The following KCNG2 variants were observed in gnomAD, a reference collection of about 807,000 sequenced individuals.
KCNG2 encodes potassium voltage-gated channel modifier subfamily G member 2.
In KCNG2, 7 loss-of-function variants were observed where a neutral mutation model predicts 12.3. The observed-to-expected ratio is 0.57, with a 90% CI of 0.32 to 1.07. The LOEUF is 1.07. Ranked by LOEUF, KCNG2 falls within the 50% of genes least tolerant of loss-of-function variation. The probability of loss-of-function intolerance (pLI) is 0.04; values close to 1 mark genes in which losing one functional copy is unlikely to be tolerated. For missense variants in KCNG2, 703 were observed against 726.0 expected (o/e 0.97, Z 0.36); for synonymous variants, 414 against 351.4 (o/e 1.18, Z -1.99).
intron 3 of KCNG2, among the ~76,000 whole-genome samples, chr18:79,868,275 G>A (rs1157072566): frequency 5.9e-5 from 9 of 152,134 alleles, no homozygotes; most frequent in Admixed American, 3.9e-4. Context: ...CTCCTGGCAC[G>A]CACCCCTAAA....
At chr18:79,878,820 C>G (rs188811909) in intron 3 of KCNG2, among the ~76,000 whole-genome samples, 3 of 152,160 alleles carry the variant, frequency 2.0e-5, no homozygotes, top group Non-Finnish European at 4.4e-5. Flanking sequence ...GCTTTCCGCA[C>G]GAAGGAAGAT....
rs2087395540 is a variant in KCNG2, at chr18:79,800,088, G to T, written c.-115+2074G>T. 6.6e-6 allele frequency among the ~76,000 whole-genome samples: 1 copy of T among 152,214 alleles called. No homozygotes were observed. Reference sequence around the variant, plus strand: ...GTCTCAGGCAGGCACCTGGAGGGCAGCGCGAACGGAGGGCTGTTTGTCGTG... The same window carrying T: ...GTCTCAGGCAGGCACCTGGAGGGCATCGCGAACGGAGGGCTGTTTGTCGTG... On this transcript the variant is annotated intron_variant, in intron 1 of 3. Transcript: ENST00000316249. This position sits in a 1 kb window ranked among gnomAD's most constrained non-coding sequence, Gnocchi z 4.0.
chr18:79,828,966 T>C, intron 1 of KCNG2, among the ~76,000 whole-genome samples: 1 of 128,636 alleles, frequency 7.8e-6, no homozygotes. Flanking sequence ...CATGTGTCTG[T>C]ATGTGGGTGT....
chr18:79,881,621 C>T lies in KCNG2; in HGVS notation c.624+17330C>T, dbSNP rs909461255. ...AATTACTGATAAAGACTGAAATCAA[C>T]GAAGGCCTGCAGTGCTCACGCGCTG... On this transcript the variant is annotated intron_variant, in intron 3 of 3. Transcript: ENST00000316249. 9.2e-5 allele frequency among the ~76,000 whole-genome samples: 14 copies of T among 152,298 alleles called. 1 individual carries two copies. The highest frequency in any genetic ancestry group is 6.8e-3 in the Middle Eastern group (2 of 294).
chr18:79,865,704 AGGCCTGGG>A (rs1979477262), intron 3 of KCNG2, among the ~76,000 whole-genome samples: 1 of 137,430 alleles, frequency 7.3e-6, no homozygotes, highest in Non-Finnish European at 1.6e-5. Context: ...CTGGGTGCTG[AGGCCTGGG>A]TGCTGAGAGG....
chr18:79,862,806 A>G (rs922065440), intron 2 of KCNG2, among the ~76,000 whole-genome samples: 6 of 152,236 alleles, frequency 3.9e-5, no homozygotes, highest in African/African-American at 1.2e-4. Flanking sequence ...ACGGAGTTCC[A>G]AGACACCGGA....
chr18:79,800,205 C>T lies in KCNG2; in HGVS notation c.-115+2191C>T, dbSNP rs12455619. On this transcript the variant is annotated intron_variant, in intron 1 of 3. Transcript: ENST00000316249. This position sits in a 1 kb window ranked among gnomAD's most constrained non-coding sequence, Gnocchi z 4.0. ...GCCGACAGGCATGAGCTCTGGGGGC[C>T]GGGAGGGGTGGTAGGGCCTGCAGGA... Among the ~76,000 whole-genome samples the T allele has an allele frequency of 0.01, 1,576 of 151,240 alleles. 71 individuals carry two copies. Among genetic ancestry groups the T allele is most frequent in the Admixed American group, 0.07 (1,066 of 15,202 alleles).
intron 1 of KCNG2, among the ~76,000 whole-genome samples, chr18:79,812,451 A>G (rs1272235411): frequency 6.6e-6 from 1 of 152,256 alleles, no homozygotes; most frequent in Admixed American, 6.5e-5. Context: ...AGAAGAATTC[A>G]TTCTACCAAA....
At chr18:79,823,223 G>A (rs780754337) in intron 1 of KCNG2, among the ~76,000 whole-genome samples, 14 of 152,290 alleles carry the variant, frequency 9.2e-5, no homozygotes, top group South Asian at 2.1e-4. Flanking sequence ...GTGCCCCACC[G>A]TGTAGACACC....
chr18:79,885,572 G>A (rs957751417), intron 3 of KCNG2, among the ~76,000 whole-genome samples: 2 of 152,182 alleles, frequency 1.3e-5, no homozygotes, highest in South Asian at 2.1e-4. Flanking sequence ...CTGCCCCACC[G>A]GTCCCTATGC....
intron 3 of KCNG2, among the ~76,000 whole-genome samples, chr18:79,890,176 C>A (rs899708072): frequency 1.1e-4 from 17 of 152,080 alleles, no homozygotes; most frequent in African/African-American, 4.1e-4. Context: ...TCTTGTGATA[C>A]TTCATCTGGT....
chr18:79,820,874 T>C (rs578134976), intron 1 of KCNG2, among the ~76,000 whole-genome samples: 2 of 152,084 alleles, frequency 1.3e-5, no homozygotes, highest in African/African-American at 2.4e-5. Flanking sequence ...TCTCAAACTC[T>C]TGGACTCAAG....
In KCNG2 at chr18:79,895,198, C is replaced by T. The variant is rs145164755; in HGVS notation, c.625-3842C>T. On this transcript the variant is annotated intron_variant, in intron 3 of 3. Coordinates refer to ENST00000316249, the MANE Select transcript of KCNG2 (RefSeq NM_012283.2). ...ATTGGGTTGTTCACTCCATTCATAACGATTTATATAGTTGGGTCTGTGTCT... is the reference window on the plus strand; with the variant it reads ...ATTGGGTTGTTCACTCCATTCATAATGATTTATATAGTTGGGTCTGTGTCT... 7.6e-3 allele frequency among the ~76,000 whole-genome samples: 1,136 copies of T among 150,430 alleles called. 27 individuals carry two copies. The highest frequency in any genetic ancestry group is 0.026 in the African/African-American group (1,075 of 40,882).
At chr18:79,842,006 C>G (rs866354281) in intron 1 of KCNG2, among the ~76,000 whole-genome samples, 8 of 152,338 alleles carry the variant, frequency 5.3e-5, no homozygotes, top group Middle Eastern at 3.4e-3. Context: ...CCTCCCCCTC[C>G]CCAGAGTGAA....
chr18:79,853,021 G>A (rs9958422), intron 1 of KCNG2, among the ~76,000 whole-genome samples: 9,086 of 152,312 alleles, frequency 0.06, 423 homozygotes, highest in African/African-American at 0.12. Context: ...TGGATGCCCC[G>A]TGTGTGCTGG....
intron 2 of KCNG2, among the ~76,000 whole-genome samples, chr18:79,860,684 CATGTGT>C (rs1568259439): frequency 1.3e-5 from 2 of 150,296 alleles, no homozygotes; most frequent in African/African-American, 2.5e-5. Flanking sequence ...TGTGTGTGCG[CATGTGT>C]ATGTGTATGT....
chr18:79,883,858 C>A lies in KCNG2; in HGVS notation c.625-15182C>A, dbSNP rs559088518. On this transcript the variant is annotated intron_variant, in intron 3 of 3. Transcript: ENST00000316249. Reference sequence around the variant, plus strand: ...TAGTGGATGATGCCGTTTACAGGGCCCGTCATGGCGGCTGCAGCCCCTTCT... The same window carrying A: ...TAGTGGATGATGCCGTTTACAGGGCACGTCATGGCGGCTGCAGCCCCTTCT... 5.7e-4 allele frequency among the ~76,000 whole-genome samples: 87 copies of A among 152,306 alleles called. 2 individuals carry two copies. In the South Asian group the frequency reaches 9.5e-3, roughly 17 times the overall value.
intron 2 of KCNG2, among the ~76,000 whole-genome samples, chr18:79,863,415 A>G (rs4455031): frequency 0.84 from 127,991 of 152,266 alleles, 55,966 homozygotes; most frequent in Non-Finnish European, 0.96. Flanking sequence ...AAGGCGGGTC[A>G]CCACCTGGCG....
At chr18:79,805,935 T>A (rs2087446331) in intron 1 of KCNG2, among the ~76,000 whole-genome samples, 1 of 152,006 alleles carries the variant, frequency 6.6e-6, no homozygotes, top group Non-Finnish European at 1.5e-5. Flanking sequence ...AGGAAAATGA[T>A]GAGAGACTGG....
Sources: gnomAD v4.1 joint callset for allele counts (sites outside exome capture counted in the v4.1 genomes callset) on GRCh38, gnomAD v4.1.1 for gene constraint, Gnocchi (gnomAD v3.1) non-coding constraint, MANE v1.5 for transcripts, NCBI Gene and HGNC (gene_info 2026-07-23, HGNC 2026-07-21) for gene names.